MAP2K2: variants seen among roughly 807,000 people sequenced by gnomAD.
MAP2K2 encodes mitogen-activated protein kinase kinase 2.
A neutral mutation model predicts 43.7 loss-of-function variants in MAP2K2; 24 were observed. The observed-to-expected ratio is 0.55, with a 90% CI of 0.40 to 0.77. The LOEUF (loss-of-function observed/expected upper bound fraction) is 0.77. Ranked by LOEUF, MAP2K2 falls within the 30% of genes least tolerant of loss-of-function variation. The pLI is 0.00. For synonymous variants in MAP2K2, 244 were observed against 239.7 expected, an observed-to-expected ratio of 1.02 and a Z score of -0.17; for missense variants, 470 against 566.8, an observed-to-expected ratio of 0.83 and a Z score of 1.73.
intron 1 of MAP2K2, 35 bp from the exon 2 acceptor site, chr19:4,117,664 T>G: frequency 6.3e-7 from 1 of 1,588,428 alleles, no homozygotes. Flanking sequence ...GTTAGCTACC[T>G]AGGGAGACTC....
In MAP2K2 at chr19:4,093,806, A is replaced by AG. The variant is rs1366123361; in HGVS notation, c.1092+646dup. 5.9e-5 allele frequency among the ~76,000 whole-genome samples: 9 copies of AG among 152,074 alleles called. No individual in the cohort carries two copies. In the East Asian group the frequency reaches 9.6e-4, roughly 16 times the overall value. On this transcript the variant is annotated intron_variant, in intron 10 of 10. Coordinates refer to ENST00000262948, the MANE Select transcript of MAP2K2 (RefSeq NM_030662.4). ...AGGCACAGAAAGTAACGGGCTGTCT[A>AG]GGGGGGTGGCATCTCCAATCCGCCA...
chr19:4,117,292 T>A (rs350891), intron 2 of MAP2K2, 127 bp downstream of exon 2: 1 of 908,356 alleles, frequency 1.1e-6, no homozygotes. Flanking sequence ...GAGTCCCTGG[T>A]GGGGATGAGG....
intron 1 of MAP2K2, among the ~76,000 whole-genome samples, chr19:4,123,483 C>A (rs904974745): frequency 2.6e-5 from 4 of 151,882 alleles, no homozygotes; most frequent in Non-Finnish European, 5.9e-5. Flanking sequence ...ACCACAAGGA[C>A]CTCCCCTCGC....
At chr19:4,095,142 C>A (rs922030686) in intron 9 of MAP2K2, 1 of 496,362 alleles carries the variant, frequency 2.0e-6, no homozygotes, top group Non-Finnish European at 3.7e-6. Flanking sequence ...CTGGGGACAC[C>A]GTCATGTGCA....
At chr19:4,103,746 T>G in intron 3 of MAP2K2, among the ~76,000 whole-genome samples, 1 of 152,206 alleles carries the variant, frequency 6.6e-6, no homozygotes, top group East Asian at 1.9e-4. Context: ...AAGGCAGTTC[T>G]AGAAAACCCA....
At chr19:4,117,395 C>T (rs2041235852) in intron 2 of MAP2K2, 24 bp downstream of exon 2, 3 of 1,607,874 alleles carry the variant, frequency 1.9e-6, no homozygotes, top group Non-Finnish European at 1.7e-6. Flanking sequence ...CACTCCCCGA[C>T]CTCCCCGACC....
chr19:4,112,600 G>A (rs912615970), intron 2 of MAP2K2, among the ~76,000 whole-genome samples: 4 of 145,338 alleles, frequency 2.8e-5, no homozygotes, highest in African/African-American at 5.1e-5. Flanking sequence ...ACCTCCCCCC[G>A]CCCGGCCGCT....
At chr19:4,109,726 T>C (rs914532425) in intron 3 of MAP2K2, among the ~76,000 whole-genome samples, 2 of 152,124 alleles carry the variant, frequency 1.3e-5, no homozygotes, top group Non-Finnish European at 2.9e-5. Context: ...TCCTCCCACC[T>C]CAGCCTCCCA....
intron 1 of MAP2K2, among the ~76,000 whole-genome samples, chr19:4,117,935 TTTTC>T (rs1334759157): frequency 2.6e-5 from 4 of 152,028 alleles, no homozygotes; most frequent in Non-Finnish European, 4.4e-5. Context: ...CGTCTTTTTC[TTTTC>T]TTTTTCTTTT....
At chr19:4,109,501 T>TGA (rs2145067997) in intron 3 of MAP2K2, among the ~76,000 whole-genome samples, 1 of 152,282 alleles carries the variant, frequency 6.6e-6, no homozygotes, top group African/African-American at 2.4e-5. Flanking sequence ...TGCAGTGGCG[T>TGA]GACCAAAGCT....
chr19:4,100,798 C>T (rs548868684), intron 6 of MAP2K2: 24 of 608,670 alleles, frequency 3.9e-5, no homozygotes, highest in African/African-American at 1.5e-4. Flanking sequence ...GGGACTGTCC[C>T]GGGGGTGCTA....
chr19:4,090,501 G>C lies in MAP2K2; in HGVS notation c.*97C>G, dbSNP rs1475839076. 2 of 1,037,380 alleles carry C rather than the reference G, an allele frequency of 1.9e-6. No individual in the cohort carries two copies. Among genetic ancestry groups the C allele is most frequent in the Non-Finnish European group, 2.9e-6 (2 of 683,278 alleles). The allele number at this position is 1,037,380 out of a possible 1,614,324, so 64.3% of individuals were successfully genotyped here. ...CTCTCCGCAGGGGTGAGGCAGGAGGGTGGGTGGAGGCGCCAGCCTGTCCTC... is the reference window on the plus strand; with the variant it reads ...CTCTCCGCAGGGGTGAGGCAGGAGGCTGGGTGGAGGCGCCAGCCTGTCCTC... On this transcript the variant is annotated 3_prime_UTR_variant, in exon 11 of 11. Transcript: ENST00000262948.
rs954730198 is a variant in MAP2K2 at position 4,115,325 on chromosome 19, G to A, written c.303+2094C>T. Among the ~76,000 whole-genome samples the A allele has an allele frequency of 2.0e-5, 3 of 152,118 alleles. No homozygotes were observed. Among genetic ancestry groups the A allele is most frequent in the Non-Finnish European group, 4.4e-5 (3 of 68,020 alleles). On this transcript the variant is annotated intron_variant, in intron 2 of 10. Transcript: ENST00000262948. The surrounding 1 kb of genome is among the most constrained non-coding windows in gnomAD (Gnocchi z 4.1). ...CTACAGTAAAGCTGCAGGTGGGCCC[G>A]GCTTCACCTGCGCCTGTCAGCAGGA...
In MAP2K2 at chr19:4,101,189, C is replaced by T. The variant is rs199635330; in HGVS notation, c.580+40G>A. The stretch of plus-strand genomic sequence containing the variant: ...GTGAGGGGCGCCCAACAGTTGCCTG[C>T]CGGCCCCCGGGGCTCTGGGGAGGGC... On this transcript the variant is annotated intron_variant, in intron 5 of 10. Coordinates refer to ENST00000262948, the MANE Select transcript of MAP2K2 (RefSeq NM_030662.4). This position sits in a 1 kb window ranked among gnomAD's most constrained non-coding sequence, Gnocchi z 6.3. 2 of 1,595,600 alleles carry T rather than the reference C, an allele frequency of 1.3e-6. No homozygotes were observed. The highest frequency in any genetic ancestry group is 1.7e-4 in the Middle Eastern group (1 of 6,006).
chr19:4,123,828 AG>A lies in MAP2K2; in HGVS notation c.47del (p.Pro16LeufsTer87). On this transcript the variant is annotated frameshift_variant, in exon 1 of 11. Coordinates refer to ENST00000262948, the MANE Select transcript of MAP2K2 (RefSeq NM_030662.4). LOFTEE classifies it high-confidence loss of function. ...KPVLPALTIN[P>X]TIAEGPSPTS... ...TAGGGGATGGGCCCTCGGCGATGGT[AG>A]GGTTGATGGTGAGCGCCGGCAGCAC... 6.4e-7 allele frequency: 1 copy of A among 1,564,390 alleles called. No homozygotes were observed.
intron 8 of MAP2K2, among the ~76,000 whole-genome samples, chr19:4,096,316 C>T (rs745937907): frequency 1.2e-4 from 18 of 152,200 alleles, no homozygotes; most frequent in Non-Finnish European, 1.8e-4. Flanking sequence ...GTCATCATCT[C>T]GCCACCCAAC....
rs552293841 is a variant in MAP2K2 at position 4,120,470 on chromosome 19, C to T, written c.93-2841G>A. On this transcript the variant is annotated intron_variant, in intron 1 of 10. Coordinates refer to ENST00000262948, the MANE Select transcript of MAP2K2 (RefSeq NM_030662.4). ...CTGGGATTACAGGTGTGCATCACCG[C>T]GCTCAGCTAATTTTTTTGGCATTTT... Among the ~76,000 whole-genome samples the T allele has an allele frequency of 2.6e-5, 4 of 152,258 alleles. No homozygotes were observed. In the East Asian group the frequency reaches 7.7e-4, roughly 29 times the overall value.
rs1453792741 is a variant in MAP2K2, at chr19:4,090,440, C to T, written c.*158G>A. ...GGCCAGGACGGGCAGGAGAGGAGAC[C>T]CCCGTTCCTGCATGCGCTGTCGCCC... On this transcript the variant is annotated 3_prime_UTR_variant, in exon 11 of 11. Coordinates refer to ENST00000262948, the MANE Select transcript of MAP2K2 (RefSeq NM_030662.4). The T allele has an allele frequency of 2.9e-6, 2 of 688,552 alleles. No individual in the cohort carries two copies. The highest frequency in any genetic ancestry group is 5.2e-6 in the Non-Finnish European group (2 of 385,304). 42.7% of individuals were successfully genotyped at this position (688,552 alleles called of 1,614,324 possible).
chr19:4,094,307 C>T (rs542163104), intron 10 of MAP2K2, 146 bp downstream of exon 10: 73 of 818,816 alleles, frequency 8.9e-5, no homozygotes, highest in African/African-American at 7.4e-4. Flanking sequence ...AGAGGGTCCT[C>T]GGCGTGGCCT....
Sources: gnomAD v4.1 joint callset for allele counts (sites outside exome capture counted in the v4.1 genomes callset) on GRCh38, gnomAD v4.1.1 for gene constraint, Gnocchi (gnomAD v3.1) non-coding constraint, MANE v1.5 for transcripts, NCBI Gene and HGNC (gene_info 2026-07-23, HGNC 2026-07-21) for gene names.